The following PID1 variants were observed in gnomAD, a reference collection of about 807,000 sequenced individuals.
The protein encoded by PID1 is PTB-containing, cubilin and LRP1-interacting protein.
A neutral mutation model predicts 19.1 loss-of-function variants in PID1; 10 were observed. The ratio of observed to expected loss-of-function variants is 0.52; its 90% CI spans 0.32 to 0.89. The LOEUF is 0.89. PID1 is among the 40% of genes least tolerant of loss of function. The probability of loss-of-function intolerance (pLI) is 0.03; values close to 1 mark genes in which losing one functional copy is unlikely to be tolerated. For synonymous variants in PID1, 130 were observed against 116.0 expected (o/e 1.12, Z -0.78); for missense variants, 248 against 285.3 (o/e 0.87, Z 0.94).
chr2:229,064,630 C>A (rs148736686), intron 2 of PID1, among the ~76,000 whole-genome samples: 10 of 152,110 alleles, frequency 6.6e-5, no homozygotes, highest in African/African-American at 2.2e-4. Context: ...TTGCCATATT[C>A]GAAAGTGAAA....
intron 2 of PID1, among the ~76,000 whole-genome samples, chr2:229,056,612 A>AATATATATATAT (rs200540998): frequency 2.7e-5 from 4 of 148,146 alleles, no homozygotes; most frequent in South Asian, 4.3e-4. Flanking sequence ...AAATAAAAAT[A>AATATATATATAT]ATATATATAT....
At chr2:229,181,350 A>G (rs961882160) in intron 1 of PID1, among the ~76,000 whole-genome samples, 5 of 152,188 alleles carry the variant, frequency 3.3e-5, no homozygotes, top group Non-Finnish European at 1.5e-5. Flanking sequence ...GAAATATACA[A>G]TCCAAAAAGG....
chr2:229,126,072 G>A (rs1332757757), intron 2 of PID1, among the ~76,000 whole-genome samples: 1 of 152,146 alleles, frequency 6.6e-6, no homozygotes, highest in Non-Finnish European at 1.5e-5. Flanking sequence ...ATCCCGCAAA[G>A]ATCCTAAAAT....
chr2:229,245,603 G>C (rs1033706942), intron 1 of PID1, among the ~76,000 whole-genome samples: 1 of 152,072 alleles, frequency 6.6e-6, no homozygotes, highest in African/African-American at 2.4e-5. Context: ...TGGGGGTCTG[G>C]GGCAGCTATG....
chr2:229,141,138 G>A (rs1410267052), intron 2 of PID1, among the ~76,000 whole-genome samples: 1 of 151,954 alleles, frequency 6.6e-6, no homozygotes, highest in Non-Finnish European at 1.5e-5. Context: ...ATAAAATTAG[G>A]GTTCTGTTGG....
At chr2:229,032,032 G>A (rs562871802) in intron 2 of PID1, among the ~76,000 whole-genome samples, 141 of 152,230 alleles carry the variant, frequency 9.3e-4, no homozygotes, top group African/African-American at 3.3e-3. Flanking sequence ...AAGGGAAATT[G>A]AGTAAAAACT....
intron 2 of PID1, among the ~76,000 whole-genome samples, chr2:229,129,966 G>A (rs970791797): frequency 2.0e-5 from 3 of 152,102 alleles, no homozygotes; most frequent in African/African-American, 7.2e-5. Context: ...AAGAAGCTAT[G>A]ACCAGCTCCA....
At chr2:229,116,048 C>A (rs931500396) in intron 2 of PID1, among the ~76,000 whole-genome samples, 4 of 151,954 alleles carry the variant, frequency 2.6e-5, no homozygotes, top group African/African-American at 9.7e-5. Flanking sequence ...ACGGTAAAAC[C>A]CCGTCTCTAC....
intron 1 of PID1, among the ~76,000 whole-genome samples, chr2:229,251,851 C>A (rs1346116464): frequency 6.8e-6 from 1 of 147,928 alleles, no homozygotes; most frequent in Non-Finnish European, 1.5e-5. Context: ...GTCCTTGGAT[C>A]GAAATAAGTC....
At chr2:229,190,579 C>CA (rs756148305) in intron 1 of PID1, among the ~76,000 whole-genome samples, 2 of 152,226 alleles carry the variant, frequency 1.3e-5, no homozygotes, top group East Asian at 3.9e-4. Flanking sequence ...GAGTCCAGGG[C>CA]AGGGGGCCTG....
chr2:229,248,006 T>G (rs764517631), intron 1 of PID1, among the ~76,000 whole-genome samples: 13 of 152,152 alleles, frequency 8.5e-5, no homozygotes, highest in Non-Finnish European at 1.5e-4. Context: ...TCCCTTTCCT[T>G]ACCTTTTTCC....
intron 2 of PID1, among the ~76,000 whole-genome samples, chr2:229,054,587 A>G (rs1694057197): frequency 6.6e-6 from 1 of 152,042 alleles, no homozygotes; most frequent in Non-Finnish European, 1.5e-5. Context: ...GTTTCCATAT[A>G]ATATGGTACA....
chr2:229,187,236 C>T (rs764155566), intron 1 of PID1, among the ~76,000 whole-genome samples: 4 of 152,214 alleles, frequency 2.6e-5, no homozygotes, highest in Non-Finnish European at 1.5e-5. Flanking sequence ...CTGCCTGTTA[C>T]CCAGTTCCAA....
chr2:229,131,188 ATAC>A (rs988776571), intron 2 of PID1, among the ~76,000 whole-genome samples: 1 of 152,000 alleles, frequency 6.6e-6, no homozygotes, highest in East Asian at 1.9e-4. Context: ...CTTTAAATAA[ATAC>A]TACATTTTTC....
intron 2 of PID1, among the ~76,000 whole-genome samples, chr2:229,095,208 G>A (rs1694951313): frequency 6.6e-6 from 1 of 152,066 alleles, no homozygotes; most frequent in Non-Finnish European, 1.5e-5. Context: ...AAAGATTAAG[G>A]TAATAAAGGT....
chr2:229,167,458 C>A (rs1164234238), intron 1 of PID1, among the ~76,000 whole-genome samples: 1 of 152,054 alleles, frequency 6.6e-6, no homozygotes. Context: ...AAATGCATAA[C>A]CTGAATGTGA....
intron 2 of PID1, among the ~76,000 whole-genome samples, chr2:229,041,954 T>C (rs573445436): frequency 2.6e-5 from 4 of 152,234 alleles, no homozygotes; most frequent in Non-Finnish European, 5.9e-5. Flanking sequence ...CATTTACTTT[T>C]AGTTTGATAT....
At position 229,147,586 on chromosome 2, in the gene PID1, C is replaced by T. The variant is rs185263308; in HGVS notation, c.177+8232G>A. Among the ~76,000 whole-genome samples, 535 of 151,956 alleles carry T rather than the reference C, an allele frequency of 3.5e-3. 4 individuals carry two copies. Among genetic ancestry groups the T allele is most frequent in the African/African-American group, 0.011 (475 of 41,470 alleles). On this transcript the variant is annotated intron_variant, in intron 2 of 2. Coordinates refer to ENST00000392055, the MANE Select transcript of PID1 (RefSeq NM_001100818.2). ...AATCAACTTTTTTATATACTTAATA[C>T]ATTATAAATATTTTCCATATCAATA... is the stretch of plus-strand genomic sequence containing the variant.
intron 2 of PID1, among the ~76,000 whole-genome samples, chr2:229,069,935 AG>A: frequency 6.6e-6 from 1 of 152,342 alleles, no homozygotes; most frequent in East Asian, 1.9e-4. Context: ...AGAAGTCAAG[AG>A]GGGGGAACAA....
Sources: gnomAD v4.1 joint callset for allele counts (sites outside exome capture counted in the v4.1 genomes callset) on GRCh38, gnomAD v4.1.1 for gene constraint, MANE v1.5 for transcripts, NCBI Gene and HGNC (gene_info 2026-07-23, HGNC 2026-07-21) for gene names.